PLCG2: variants seen among roughly 807,000 people sequenced by gnomAD.
The protein encoded by PLCG2 is phospholipase C gamma 2, also known as 1-phosphatidylinositol 4,5-bisphosphate phosphodiesterase gamma-2.
In PLCG2, 69 loss-of-function variants were observed where a neutral mutation model predicts 175.6. The ratio of observed to expected loss-of-function variants is 0.39; its 90% confidence interval spans 0.32 to 0.48. The LOEUF (loss-of-function observed/expected upper bound fraction) is 0.48, where lower values mean the gene tolerates loss of function less well. Among genes scored for constraint, PLCG2 ranks in the 20% least tolerant of loss-of-function variants. The pLI, the probability that PLCG2 is intolerant of heterozygous loss-of-function variation, is 0.91. For missense variants in PLCG2, 1,798 were observed against 1,650.9 expected, an observed-to-expected ratio of 1.09 and a Z score of -1.54; for synonymous variants, 827 against 624.0, an observed-to-expected ratio of 1.33 and a Z score of -4.85.
chr16:81,777,067 A>G (rs1393707553), upstream of PLCG2, among the ~76,000 whole-genome samples: 1 of 152,206 alleles, frequency 6.6e-6, no homozygotes, highest in Non-Finnish European at 1.5e-5. Flanking sequence ...CCATTATCTC[A>G]CACACAGTGG....
At position 81,908,404 on chromosome 16, in the gene PLCG2, T is replaced by G. The variant is rs1909471351; in HGVS notation, c.1558-12T>G. ...AAGGCTTTCAGAAACCCCTCCTCTCTTTGCGGCCCAGGATATACCCCCTAC... is the reference window on the plus strand; with the variant it reads ...AAGGCTTTCAGAAACCCCTCCTCTCGTTGCGGCCCAGGATATACCCCCTAC... On this transcript the variant is annotated splice_polypyrimidine_tract_variant and intron_variant, in intron 16 of 32. Coordinates refer to ENST00000564138, the MANE Select transcript of PLCG2 (RefSeq NM_002661.5). 1.3e-5 allele frequency: 21 copies of G among 1,611,854 alleles called. No homozygotes were observed. Among genetic ancestry groups the G allele is most frequent in the Admixed American group, 1.7e-5 (1 of 59,872 alleles).
chr16:81,764,569 A>G (rs990376965), intron 2 of PLCG2, among the ~76,000 whole-genome samples: 2 of 152,214 alleles, frequency 1.3e-5, no homozygotes, highest in Non-Finnish European at 2.9e-5. Flanking sequence ...CCTCCAGCCC[A>G]TGCAGTTGTC....
chr16:81,821,695 G>A (rs1904806579), intron 2 of PLCG2, among the ~76,000 whole-genome samples: 1 of 152,146 alleles, frequency 6.6e-6, no homozygotes, highest in Non-Finnish European at 1.5e-5. Flanking sequence ...GCAGCGGGTG[G>A]TGAACAGATC....
At chr16:81,922,075 C>G (rs1910083429) in intron 21 of PLCG2, among the ~76,000 whole-genome samples, 1 of 152,184 alleles carries the variant, frequency 6.6e-6, no homozygotes, top group Non-Finnish European at 1.5e-5. Context: ...GCCTTGGAGA[C>G]TGGCTGGTCC....
Position 81,958,704 on chromosome 16 carries a change from G to A in PLCG2, c.*706G>A, listed in dbSNP as rs1567550879. 2 of 221,776 alleles carry A rather than the reference G, an allele frequency of 9.0e-6. No homozygotes were observed. The highest frequency in any genetic ancestry group is 1.8e-5 in the Non-Finnish European group (2 of 110,796). The allele number at this position is 221,776 out of a possible 1,614,324, so 13.7% of individuals were successfully genotyped here. On this transcript the variant is annotated 3_prime_UTR_variant, in exon 33 of 33. Transcript: ENST00000564138. ...AGCCCATCAGAGAGACCAGAGCCGT[G>A]CTGCAGGGGCAGGTTCTCACTTGCC...
At chr16:81,953,016 G>A (rs760000932) in intron 31 of PLCG2, among the ~76,000 whole-genome samples, 2 of 152,238 alleles carry the variant, frequency 1.3e-5, no homozygotes, top group Non-Finnish European at 2.9e-5. Flanking sequence ...GTGAGACGCT[G>A]AGAAGGGTAC....
At chr16:81,954,617 G>T (rs1911494218) in intron 31 of PLCG2, among the ~76,000 whole-genome samples, 1 of 152,150 alleles carries the variant, frequency 6.6e-6, no homozygotes, top group Non-Finnish European at 1.5e-5. Context: ...TAGTTTGCTG[G>T]CTGAGGATGA....
At chr16:81,925,787 T>G (rs1049398302) in intron 22 of PLCG2, among the ~76,000 whole-genome samples, 3 of 151,570 alleles carry the variant, frequency 2.0e-5, no homozygotes, top group Non-Finnish European at 4.4e-5. Flanking sequence ...CTGGCGGGGC[T>G]GAGGCAGGAG....
At chr16:81,865,456 G>T (rs1467083603) in intron 5 of PLCG2, among the ~76,000 whole-genome samples, 2 of 152,174 alleles carry the variant, frequency 1.3e-5, no homozygotes, top group Non-Finnish European at 2.9e-5. Context: ...TCAGCCTCCA[G>T]TGTTTACATT....
chr16:81,944,206 T>G (rs1416215563), intron 30 of PLCG2, among the ~76,000 whole-genome samples: 2 of 152,192 alleles, frequency 1.3e-5, no homozygotes, highest in African/African-American at 4.8e-5. Context: ...TATACATAAA[T>G]AAGATGGATT....
At chr16:81,838,086 C>T (rs67669940) in intron 2 of PLCG2, among the ~76,000 whole-genome samples, 2,387 of 14,632 alleles carry the variant, frequency 0.16, 70 homozygotes, top group Middle Eastern at 0.28. Context: ...TACTAATTTT[C>T]TTTTTTTTTT....
chr16:81,845,612 C>T (rs1054521377), intron 2 of PLCG2, among the ~76,000 whole-genome samples: 2 of 152,232 alleles, frequency 1.3e-5, no homozygotes, highest in East Asian at 3.8e-4. Flanking sequence ...GCAGCCCCTG[C>T]ACTAGAATCT....
intron 31 of PLCG2, among the ~76,000 whole-genome samples, chr16:81,946,613 C>G (rs1021191123): frequency 6.6e-6 from 1 of 152,086 alleles, no homozygotes; most frequent in Non-Finnish European, 1.5e-5. Context: ...GCCAGTGCAT[C>G]TTTAGGAATC....
chr16:81,767,776 C>G (rs1192828957), intron 2 of PLCG2: 1 of 152,200 alleles, frequency 6.6e-6, no homozygotes, highest in African/African-American at 2.4e-5. Context: ...TCTTCCCACT[C>G]CAGCCCCTGG....
chr16:81,829,986 C>G (rs149619554), intron 2 of PLCG2, among the ~76,000 whole-genome samples: 1 of 151,886 alleles, frequency 6.6e-6, no homozygotes, highest in South Asian at 2.1e-4. Context: ...GACCCATGAA[C>G]GGGCAGTGCT....
chr16:81,857,048 G>C (rs1031323892), intron 3 of PLCG2, among the ~76,000 whole-genome samples: 1 of 152,048 alleles, frequency 6.6e-6, no homozygotes, highest in African/African-American at 2.4e-5. Context: ...TTAGACTTCT[G>C]GCCTCTCTAA....
chr16:81,830,410 G>T (rs147470120), intron 2 of PLCG2, among the ~76,000 whole-genome samples: 1 of 152,090 alleles, frequency 6.6e-6, no homozygotes, highest in African/African-American at 2.4e-5. Context: ...GGGTTCAAGC[G>T]TTTCTTGTGC....
Position 81,938,856 on chromosome 16 carries a change from T to G in PLCG2, c.3254T>G (p.Val1085Gly). Residue 1085 changes from valine (V) to glycine (G), a missense_variant, in exon 29 of 33, where the codon GTA becomes GGA. By Grantham distance (109) the Val-to-Gly change is moderately radical (BLOSUM62 -3). Coordinates refer to ENST00000564138, the MANE Select transcript of PLCG2 (RefSeq NM_002661.5). ...KLGRSIACPF[V>G]EVEICGAEYD... ...GGACGAAGTATTGCCTGTCCCTTTG[T>G]AGAAGTGGAGATCTGTGGAGCCGAG... 1 of 1,613,760 alleles carries G rather than the reference T, an allele frequency of 6.2e-7. No individual in the cohort carries two copies.
At chr16:81,755,016 C>T (rs1909892736) in intron 1 of PLCG2, among the ~76,000 whole-genome samples, 2 of 151,884 alleles carry the variant, frequency 1.3e-5, no homozygotes, top group South Asian at 2.1e-4. Flanking sequence ...CTCTGAGCCC[C>T]CATTGCCTGA....
Sources: allele counts gnomAD v4.1 joint callset (sites outside exome capture counted in the v4.1 genomes callset), GRCh38; gene constraint gnomAD v4.1.1; transcripts MANE v1.5; gene names NCBI Gene and HGNC (gene_info 2026-07-23, HGNC 2026-07-21).